The following SEC31A variants were observed in gnomAD, a reference collection of about 807,000 sequenced individuals.
SEC31A encodes the protein SEC31 homolog A, COPII component.
SEC31A carries 70 observed loss-of-function variants against 151.0 expected under a neutral mutation model. That is an observed-to-expected ratio of 0.46 (90% confidence interval 0.38 to 0.57). The LOEUF is 0.57. SEC31A is among the 20% of genes least tolerant of loss of function. The probability of loss-of-function intolerance (pLI) is 0.00; values close to 1 mark genes in which losing one functional copy is unlikely to be tolerated. For missense variants in SEC31A, 1,330 were observed against 1,471.2 expected, an observed-to-expected ratio of 0.90 and a Z score of 1.57; for synonymous variants, 475 against 505.9, an observed-to-expected ratio of 0.94 and a Z score of 0.82.
At chr4:82,845,363 C>T in intron 20 of SEC31A, 1 of 899,360 alleles carries the variant, frequency 1.1e-6, no homozygotes. Flanking sequence ...AAAAAAACCC[C>T]AAAAGGTATT....
intron 10 of SEC31A, among the ~76,000 whole-genome samples, chr4:82,866,449 C>A (rs1226722224): frequency 6.6e-6 from 1 of 151,842 alleles, no homozygotes; most frequent in African/African-American, 2.4e-5. Flanking sequence ...CCAGCCTGTA[C>A]AACAGAGTGA....
At chr4:82,889,946 G>A (rs769950444) in intron 1 of SEC31A, among the ~76,000 whole-genome samples, 17 of 152,012 alleles carry the variant, frequency 1.1e-4, no homozygotes, top group Non-Finnish European at 2.1e-4. Context: ...AAGGAGAGTA[G>A]GCTGGGCGTG....
Position 82,891,144 on chromosome 4 carries a change from C to G in SEC31A, c.-61G>C. On this transcript the variant is annotated 5_prime_UTR_variant, in exon 1 of 27. Transcript: ENST00000395310. ...GTTAGTGCAGCGCTCGTCGGACTCT[C>G]CCAGCATTCGCCGCCGCCCCTCCTC... The G allele has an allele frequency of 2.6e-6, 4 of 1,535,864 alleles. No individual in the cohort carries two copies. Among genetic ancestry groups the G allele is most frequent in the Non-Finnish European group, 3.5e-6 (4 of 1,146,744 alleles).
chr4:82,880,580 TTC>T (rs10529877), intron 3 of SEC31A: 263,704 of 349,706 alleles, frequency 0.75, 101,165 homozygotes, highest in Admixed American at 0.8. Context: ...TGAAGTAAGA[TTC>T]TGTCTCAAAA....
intron 25 of SEC31A, 151 bp from the exon 26 acceptor site, chr4:82,821,259 C>T (rs1033969827): frequency 2.7e-5 from 17 of 641,206 alleles, no homozygotes; most frequent in Non-Finnish European, 4.3e-5. Context: ...GAAACTTGAA[C>T]AGATTATGGC....
chr4:82,857,659 A>T, intron 15 of SEC31A, 30 bp downstream of exon 15: 2 of 1,388,826 alleles, frequency 1.4e-6, no homozygotes, highest in Non-Finnish European at 2.0e-6. Flanking sequence ...GGTTAAAAAA[A>T]ATTAGAAATC....
At chr4:82,841,845 G>A (rs1325897102) in intron 22 of SEC31A, among the ~76,000 whole-genome samples, 2 of 151,052 alleles carry the variant, frequency 1.3e-5, no homozygotes, top group Non-Finnish European at 3.0e-5. Context: ...GGTGGTGCAT[G>A]TCTGTTATCC....
At chr4:82,840,509 T>C (rs1048507032) in intron 22 of SEC31A, among the ~76,000 whole-genome samples, 1 of 152,264 alleles carries the variant, frequency 6.6e-6, no homozygotes, top group African/African-American at 2.4e-5. Flanking sequence ...ATGCATACAG[T>C]GTGTATGTGT....
Position 82,848,966 on chromosome 4 carries a change from CATG to C in SEC31A, c.2337_2339del (p.Ile779del). On this transcript the variant is annotated inframe_deletion, in exon 20 of 27. Transcript: ENST00000395310. ...CTCTACAAAGTCTGTCACGAAGCTG[CATG>C]ATATTTGGCTAAAAAGGATTGGAAA... The C allele has an allele frequency of 6.2e-7, 1 of 1,612,956 alleles. No homozygotes were observed. The highest frequency in any genetic ancestry group is 8.5e-7 in the Non-Finnish European group (1 of 1,179,550).
In SEC31A at chr4:82,858,542, CAAAAAAAAAAAAAAAAAA is replaced by C. The variant is rs201988682; in HGVS notation, c.1627-796_1627-779del. Among the ~76,000 whole-genome samples the C allele has an allele frequency of 8.9e-4, 56 of 62,954 alleles. 1 individual carries two copies. In the Admixed American group the frequency reaches 0.012, roughly 14 times the overall value. 41.3% of individuals were successfully genotyped at this position (62,954 alleles called of 152,430 possible). On this transcript the variant is annotated intron_variant, in intron 14 of 26. Coordinates refer to ENST00000395310, the MANE Select transcript of SEC31A (RefSeq NM_001077207.4). The stretch of plus-strand genomic sequence containing the variant: ...CTGGCGACAGAGCGAGACTCTGTCT[CAAAAAAAAAAAAAAAAAA>C]AAAAAAAAAAGAACACTATTAAATA...
Position 82,880,810 on chromosome 4 carries a change from G to A in SEC31A, c.192C>T (p.Ser64=). 1 of 1,611,572 alleles carries A rather than the reference G, an allele frequency of 6.2e-7. No homozygotes were observed. Among genetic ancestry groups the A allele is most frequent in the Non-Finnish European group, 8.5e-7 (1 of 1,178,686 alleles). ...GCTGAACCTCATACCTGTGAGAAGA[G>A]GAGAATGTGGCACAAGATTTCATAT... ...SLDMKSCATF[S]SSHRYHKLIW... The change falls in exon 3 of 27, where the codon TCC becomes TCT. Residue 64 remains serine (S), a synonymous_variant. Coordinates refer to ENST00000395310, the MANE Select transcript of SEC31A (RefSeq NM_001077207.4).
chr4:82,882,804 C>G (rs546857698), intron 1 of SEC31A, among the ~76,000 whole-genome samples: 3 of 152,302 alleles, frequency 2.0e-5, no homozygotes, highest in African/African-American at 7.2e-5. Context: ...CACTTGTTTA[C>G]GTATTTTCTG....
chr4:82,881,922 T>C lies in SEC31A; in HGVS notation c.15A>G (p.Glu5=). 6.2e-7 allele frequency: 1 copy of C among 1,614,012 alleles called. No homozygotes were observed. The highest frequency in any genetic ancestry group is 8.5e-7 in the Non-Finnish European group (1 of 1,179,824). ...ATGCCTGCATGGCTGTACGATCTACTTCCTTTAACTTCATCCTGCTAAAGG... is the reference window on the plus strand; with the variant it reads ...ATGCCTGCATGGCTGTACGATCTACCTCCTTTAACTTCATCCTGCTAAAGG... MKLK[E]VDRTAMQAWS... Residue 5 remains glutamate (E), a synonymous_variant, in exon 2 of 27, where the codon GAA becomes GAG. Coordinates refer to ENST00000395310, the MANE Select transcript of SEC31A (RefSeq NM_001077207.4).
intron 22 of SEC31A, chr4:82,831,043 T>A (rs1725826652): frequency 1.8e-6 from 1 of 550,832 alleles, no homozygotes; most frequent in African/African-American, 2.0e-5. Context: ...ACTCATTTTA[T>A]AATTGTTTCT....
At chr4:82,849,100 T>TGA in intron 19 of SEC31A, 123 bp from the exon 20 acceptor site, 3 of 842,372 alleles carry the variant, frequency 3.6e-6, no homozygotes, top group Non-Finnish European at 3.7e-6. Context: ...CTGGGTATTA[T>TGA]ACAATAGACC....
chr4:82,885,169 T>C (rs1021865859), intron 1 of SEC31A, among the ~76,000 whole-genome samples: 3 of 152,132 alleles, frequency 2.0e-5, no homozygotes, highest in African/African-American at 7.2e-5. Flanking sequence ...ACAAACAAAA[T>C]AACAAACAAA....
At chr4:82,889,377 C>T (rs559190588) in intron 1 of SEC31A, among the ~76,000 whole-genome samples, 2 of 152,032 alleles carry the variant, frequency 1.3e-5, no homozygotes, top group South Asian at 4.1e-4. Flanking sequence ...CGCAGTGAGA[C>T]CCCCATCTCT....
At chr4:82,841,465 T>TATATATATACACACAC (rs200595591) in intron 22 of SEC31A, among the ~76,000 whole-genome samples, 2 of 103,204 alleles carry the variant, frequency 1.9e-5, no homozygotes, top group African/African-American at 7.2e-5. Flanking sequence ...TATATATATA[T>TATATATATACACACAC]ATACACACAC....
intron 4 of SEC31A, chr4:82,877,625 T>C (rs761230763): frequency 6.6e-6 from 1 of 152,320 alleles, no homozygotes; most frequent in Non-Finnish European, 1.5e-5. Context: ...ATTTATATAA[T>C]TAACAACCAG....
Sources: allele counts gnomAD v4.1 joint callset (sites outside exome capture counted in the v4.1 genomes callset), GRCh38; gene constraint gnomAD v4.1.1; transcripts MANE v1.5; gene names NCBI Gene and HGNC (gene_info 2026-07-23, HGNC 2026-07-21).